Variants in STK32A observed in about 807,000 individuals in gnomAD.
The protein encoded by STK32A is serine/threonine-protein kinase 32A.
In STK32A, 41 loss-of-function variants were observed where a neutral mutation model predicts 53.2. The ratio of observed to expected loss-of-function variants is 0.77; its 90% CI spans 0.60 to 1.00. STK32A has a LOEUF of 1.00. Ranked by LOEUF, STK32A falls within the 50% of genes least tolerant of loss-of-function variation. STK32A has a pLI of 0.00. For synonymous variants in STK32A, 166 were observed against 162.8 expected (o/e 1.02, Z -0.15); for missense variants, 458 against 485.8 (o/e 0.94, Z 0.54).
rs1187465155 is a variant in STK32A, at chr5:147,383,922, A to G, written c.1130A>G (p.Asn377Ser). 5.6e-6 allele frequency: 9 copies of G among 1,605,460 alleles called. No individual in the cohort carries two copies. The South Asian group carries it at 5.6e-5, about 10-fold the overall frequency. The change falls in exon 13 of 13, where the codon AAT (asparagine) becomes AGT (serine). Residue 377 changes from asparagine (N) to serine (S), a missense_variant. Transcript: ENST00000397936. ...AGGGACTTTAACAAAAGACAACCAA[A>G]TCTAGCCTTGGAACAAACCAAAGAC... ...VNRDFNKRQP[N>S]LALEQTKDPQ...
intron 4 of STK32A, among the ~76,000 whole-genome samples, chr5:147,291,791 C>G (rs1752612087): frequency 6.6e-6 from 1 of 152,150 alleles, no homozygotes. Flanking sequence ...ATTTCTCTCT[C>G]TTCAGTTCAC....
At chr5:147,327,454 C>A (rs943242143) in intron 5 of STK32A, among the ~76,000 whole-genome samples, 1 of 152,170 alleles carries the variant, frequency 6.6e-6, no homozygotes, top group African/African-American at 2.4e-5. Flanking sequence ...CAAGGAGAGA[C>A]CATCTGCATA....
intron 7 of STK32A, among the ~76,000 whole-genome samples, chr5:147,360,348 G>A (rs920700414): frequency 1.3e-5 from 2 of 151,400 alleles, no homozygotes; most frequent in Admixed American, 1.3e-4. Flanking sequence ...CTACTTGGGA[G>A]GCCAAGGTTG....
intron 6 of STK32A, among the ~76,000 whole-genome samples, chr5:147,343,603 T>C (rs541672172): frequency 6.6e-6 from 1 of 152,362 alleles, no homozygotes; most frequent in African/African-American, 2.4e-5. Flanking sequence ...AACTACTTGA[T>C]GCAGTGACTG....
intron 8 of STK32A, among the ~76,000 whole-genome samples, chr5:147,368,696 A>G (rs969711951): frequency 1.3e-5 from 2 of 152,218 alleles, no homozygotes; most frequent in African/African-American, 4.8e-5. Flanking sequence ...ATTAAAAAAT[A>G]AGATAAAGAC....
intron 5 of STK32A, among the ~76,000 whole-genome samples, chr5:147,328,666 G>A (rs1581100203): frequency 6.6e-6 from 1 of 151,980 alleles, no homozygotes; most frequent in South Asian, 2.1e-4. Flanking sequence ...TTTAAATTAG[G>A]GACAAAGTGA....
intron 4 of STK32A, among the ~76,000 whole-genome samples, chr5:147,286,807 A>G (rs1275290038): frequency 1.3e-5 from 2 of 151,986 alleles, no homozygotes; most frequent in Non-Finnish European, 2.9e-5. Context: ...CTTGAGGTCA[A>G]TATATATATA....
chr5:147,307,624 C>CAAA (rs34762967), intron 4 of STK32A, among the ~76,000 whole-genome samples: 6 of 75,270 alleles, frequency 8.0e-5, no homozygotes, highest in East Asian at 3.7e-4. Flanking sequence ...GACGCTGTCT[C>CAAA]AAAAAAAAAA....
chr5:147,353,374 A>C (rs989896118), intron 7 of STK32A, among the ~76,000 whole-genome samples: 2 of 152,208 alleles, frequency 1.3e-5, no homozygotes, highest in Non-Finnish European at 2.9e-5. Flanking sequence ...CTTATTAGGC[A>C]ACAGACTGAG....
At chr5:147,258,173 T>TTTTTTTTTTTTTTTTTTTTGAG (rs1466872220) in intron 2 of STK32A, among the ~76,000 whole-genome samples, 10 of 148,684 alleles carry the variant, frequency 6.7e-5, no homozygotes, top group African/African-American at 2.5e-4. Context: ...TAATTTTTGT[T>TTTTTTTTTTTTTTTTTTTTGAG]AAAGAGCAGG....
intron 4 of STK32A, among the ~76,000 whole-genome samples, chr5:147,316,366 T>A (rs1320190657): frequency 6.6e-6 from 1 of 152,198 alleles, no homozygotes; most frequent in Non-Finnish European, 1.5e-5. Context: ...TCACCCAGAT[T>A]GTCTGAAACA....
chr5:147,328,301 T>TA (rs954619771), intron 5 of STK32A, among the ~76,000 whole-genome samples: 20 of 152,150 alleles, frequency 1.3e-4, no homozygotes, highest in African/African-American at 9.6e-5. Flanking sequence ...AGTGATGTTT[T>TA]AAAAAAAACC....
At chr5:147,396,693 C>A in the STK32A span, among the ~76,000 whole-genome samples, 2 of 152,068 alleles carry the variant, frequency 1.3e-5, no homozygotes, top group African/African-American at 2.4e-5. Context: ...TCAACACTTC[C>A]CTGGTTTCAG....
At chr5:147,330,567 A>G (rs1181759218) in intron 5 of STK32A, among the ~76,000 whole-genome samples, 1 of 152,228 alleles carries the variant, frequency 6.6e-6, no homozygotes, top group Non-Finnish European at 1.5e-5. Context: ...ACTGCATCAC[A>G]GTTCCATACC....
At chr5:147,361,150 C>T (rs2151998143) in intron 7 of STK32A, among the ~76,000 whole-genome samples, 1 of 152,292 alleles carries the variant, frequency 6.6e-6, no homozygotes, top group South Asian at 2.1e-4. Flanking sequence ...AATTTAGATC[C>T]TTTAGTTGAA....
intron 2 of STK32A, among the ~76,000 whole-genome samples, chr5:147,249,731 G>A (rs188059341): frequency 6.6e-6 from 1 of 151,842 alleles, no homozygotes; most frequent in East Asian, 1.9e-4. Flanking sequence ...TGGCCAACAT[G>A]GTGAAACCTT....
chr5:147,323,807 C>G lies in STK32A; in HGVS notation c.261-91C>G. 2.6e-6 allele frequency: 3 copies of G among 1,145,042 alleles called. No homozygotes were observed. The South Asian group carries it at 4.8e-5, about 18-fold the overall frequency. The allele number at this position is 1,145,042 out of a possible 1,614,324, so 70.9% of individuals were successfully genotyped here. On this transcript the variant is annotated intron_variant, in intron 4 of 12. Coordinates refer to ENST00000397936, the MANE Select transcript of STK32A (RefSeq NM_001112724.2). ...AGTCTGAGCTCTTAGCTCAAGAACA[C>G]TCTGCTCTGATCTGTAGGGTCTCAT...
At chr5:147,360,027 A>G (rs1036399375) in intron 7 of STK32A, among the ~76,000 whole-genome samples, 1 of 152,140 alleles carries the variant, frequency 6.6e-6, no homozygotes. Context: ...AAATCTTTCA[A>G]CTAGGTCAAT....
the STK32A span, among the ~76,000 whole-genome samples, chr5:147,396,865 GTA>G: frequency 0.037 from 5,316 of 144,426 alleles, 283 homozygotes; most frequent in African/African-American, 0.12. Flanking sequence ...GTATATGTGT[GTA>G]TATATATATA....
Sources: allele counts gnomAD v4.1 joint callset (sites outside exome capture counted in the v4.1 genomes callset), GRCh38; gene constraint gnomAD v4.1.1; transcripts MANE v1.5; gene names NCBI Gene and HGNC (gene_info 2026-07-23, HGNC 2026-07-21).